Variants in PCDH15 observed in about 807,000 individuals in gnomAD.
The protein encoded by PCDH15 is protocadherin related 15.
Under a neutral mutation model 178.5 loss-of-function variants are expected in PCDH15, and 129 were observed. The observed-to-expected ratio is 0.72, with a 90% CI of 0.63 to 0.84. PCDH15 has a LOEUF of 0.84. Among genes scored for constraint, PCDH15 ranks in the 40% least tolerant of loss-of-function variants. The pLI is 0.00. For missense variants in PCDH15, 2,230 were observed against 2,099.9 expected (o/e 1.06, Z -1.21); for synonymous variants, 800 against 732.0 (o/e 1.09, Z -1.50).
intron 2 of PCDH15, among the ~76,000 whole-genome samples, chr10:55,367,844 T>C (rs1472509833): frequency 2.6e-5 from 4 of 152,100 alleles, no homozygotes. Context: ...TTAGTTTTCC[T>C]ACCTAGGAAC....
intron 15 of PCDH15, among the ~76,000 whole-genome samples, chr10:54,108,865 G>A (rs1182338212): frequency 1.3e-5 from 2 of 152,152 alleles, no homozygotes; most frequent in African/African-American, 2.4e-5. Context: ...CCTCATGGCT[G>A]ACATTTCTAG....
At chr10:54,771,864 A>G (rs1208360842) in intron 1 of PCDH15, among the ~76,000 whole-genome samples, 1 of 152,180 alleles carries the variant, frequency 6.6e-6, no homozygotes, top group African/African-American at 2.4e-5. Context: ...CTGAATATAA[A>G]TTAATAAGTG....
chr10:54,031,806 G>T (rs763915369), intron 18 of PCDH15, among the ~76,000 whole-genome samples: 1 of 151,992 alleles, frequency 6.6e-6, no homozygotes, highest in East Asian at 1.9e-4. Context: ...TTGTTGTCAT[G>T]TTCACGCTCA....
intron 16 of PCDH15, among the ~76,000 whole-genome samples, chr10:54,087,213 G>T (rs1590334582): frequency 6.6e-6 from 1 of 151,998 alleles, no homozygotes; most frequent in Non-Finnish European, 1.5e-5. Context: ...CAATTCAATG[G>T]TTTTTAGCAT....
chr10:55,522,635 A>C (rs993118213), intron 2 of PCDH15, among the ~76,000 whole-genome samples: 6 of 151,746 alleles, frequency 4.0e-5, no homozygotes, highest in Admixed American at 3.3e-4. Context: ...TATAGCCATG[A>C]CTGCTCTATT....
chr10:55,256,531 C>T (rs1379356691), intron 1 of PCDH15, among the ~76,000 whole-genome samples: 2 of 152,204 alleles, frequency 1.3e-5, no homozygotes, highest in Non-Finnish European at 2.9e-5. Flanking sequence ...CACCCTAATA[C>T]TGCACTTTTC....
At chr10:55,072,385 A>C (rs1018062405) in intron 2 of PCDH15, among the ~76,000 whole-genome samples, 2 of 152,326 alleles carry the variant, frequency 1.3e-5, no homozygotes, top group African/African-American at 4.8e-5. Context: ...AGAAGAATCA[A>C]ATAGACGCAA....
At chr10:54,122,002 T>TACATAC (rs2095228068) in intron 15 of PCDH15, among the ~76,000 whole-genome samples, 1 of 146,410 alleles carries the variant, frequency 6.8e-6, no homozygotes, top group Non-Finnish European at 1.5e-5. Context: ...CAAAGACACA[T>TACATAC]ACACACACAC....
At chr10:54,344,661 T>C (rs1201390798) in intron 6 of PCDH15, among the ~76,000 whole-genome samples, 1 of 152,070 alleles carries the variant, frequency 6.6e-6, no homozygotes, top group Non-Finnish European at 1.5e-5. Context: ...AATTAATTCT[T>C]TAAAAAAATA....
At chr10:55,261,968 A>C (rs1201992918) in intron 1 of PCDH15, among the ~76,000 whole-genome samples, 1 of 149,038 alleles carries the variant, frequency 6.7e-6, no homozygotes, top group African/African-American at 2.5e-5. Flanking sequence ...TCTGCATGTC[A>C]TCTCAAATTC....
At chr10:55,224,418 A>T (rs1840968428) in intron 1 of PCDH15, among the ~76,000 whole-genome samples, 1 of 152,086 alleles carries the variant, frequency 6.6e-6, no homozygotes. Context: ...TCTGTGCTTT[A>T]AGGGTCCTTG....
chr10:54,731,423 C>T (rs1943313334), intron 1 of PCDH15, among the ~76,000 whole-genome samples: 1 of 149,592 alleles, frequency 6.7e-6, no homozygotes, highest in African/African-American at 2.4e-5. Flanking sequence ...GGTATACATT[C>T]ACAAAAAGGC....
intron 1 of PCDH15, among the ~76,000 whole-genome samples, chr10:55,308,921 A>G (rs1023335440): frequency 6.6e-6 from 1 of 152,186 alleles, no homozygotes; most frequent in South Asian, 2.1e-4. Context: ...AAGGAAAGCA[A>G]TATATTTACT....
Position 55,462,969 on chromosome 10 carries a change from T to C in PCDH15, c.-156+164656A>G, listed in dbSNP as rs192709052. Reference sequence around the variant, plus strand: ...TTGTGTATAAATGTTTTATGTATTATGTGTTGATCTGAAGCAAAGTGCACA... The same window carrying C: ...TTGTGTATAAATGTTTTATGTATTACGTGTTGATCTGAAGCAAAGTGCACA... On this transcript the variant is annotated intron_variant, in intron 2 of 5. Transcript: ENST00000613346. Among the ~76,000 whole-genome samples the C allele has an allele frequency of 7.0e-4, 106 of 152,150 alleles. 1 individual carries two copies. In the South Asian group the frequency reaches 0.014, roughly 20 times the overall value.
At chr10:53,926,131 T>C (rs2593113) in intron 25 of PCDH15, among the ~76,000 whole-genome samples, 7,108 of 152,244 alleles carry the variant, frequency 0.047, 510 homozygotes, top group African/African-American at 0.16. Context: ...AGTTGTCCTA[T>C]ATTTTCCTCC....
At chr10:54,930,708 C>T (rs1000341445) in intron 2 of PCDH15, among the ~76,000 whole-genome samples, 3 of 152,058 alleles carry the variant, frequency 2.0e-5, no homozygotes, top group African/African-American at 4.8e-5. Flanking sequence ...TACATATTAA[C>T]ATGATACTAA....
chr10:55,400,853 C>A (rs1838044876), intron 2 of PCDH15, among the ~76,000 whole-genome samples: 6 of 152,050 alleles, frequency 3.9e-5, no homozygotes, highest in Admixed American at 3.9e-4. Flanking sequence ...GGGACCACAA[C>A]CATGTGCACT....
intron 35 of PCDH15, among the ~76,000 whole-genome samples, chr10:53,815,188 T>C (rs1486213481): frequency 6.6e-6 from 1 of 152,198 alleles, no homozygotes; most frequent in Non-Finnish European, 1.5e-5. Context: ...TTAATATTCA[T>C]TTTTGCTGTC....
intron 3 of PCDH15, among the ~76,000 whole-genome samples, chr10:54,876,992 A>T (rs1954156987): frequency 6.6e-6 from 1 of 152,192 alleles, no homozygotes; most frequent in Non-Finnish European, 1.5e-5. Flanking sequence ...CAATGCAGGA[A>T]ACTTTATTTT....
Sources: allele counts gnomAD v4.1 joint callset (sites outside exome capture counted in the v4.1 genomes callset), GRCh38; gene constraint gnomAD v4.1.1; transcripts MANE v1.5; gene names NCBI Gene and HGNC (gene_info 2026-07-23, HGNC 2026-07-21).